RB1CC1: variants seen among roughly 807,000 people sequenced by gnomAD.
The protein encoded by RB1CC1 is RB1 inducible coiled-coil 1.
Under a neutral mutation model 177.5 loss-of-function variants are expected in RB1CC1, and 46 were observed. The observed-to-expected ratio is 0.26, with a 90% confidence interval of 0.20 to 0.33. The LOEUF (loss-of-function observed/expected upper bound fraction) is 0.33, where lower values mean the gene tolerates loss of function less well. RB1CC1 is among the 10% of genes least tolerant of loss of function. The probability of loss-of-function intolerance (pLI) is 1.00; values close to 1 mark genes in which losing one functional copy is unlikely to be tolerated. For synonymous variants in RB1CC1, 666 were observed against 613.6 expected (o/e 1.09, Z -1.26); for missense variants, 1,703 against 1,816.3 (o/e 0.94, Z 1.13).
At chr8:52,638,850 T>G (rs1470709659) in intron 18 of RB1CC1, among the ~76,000 whole-genome samples, 1 of 152,170 alleles carries the variant, frequency 6.6e-6, no homozygotes. Flanking sequence ...TTTACCAAAC[T>G]GATTTAAAAT....
chr8:52,645,894 TAA>T (rs759956889), intron 15 of RB1CC1, 27 bp from the exon 16 acceptor site: 1 of 1,495,772 alleles, frequency 6.7e-7, no homozygotes, highest in Middle Eastern at 2.0e-4. Flanking sequence ...AGCATTAAAT[TAA>T]AAAAAAAATT....
At chr8:52,699,831 A>AAAAT (rs1855873323) in intron 1 of RB1CC1, among the ~76,000 whole-genome samples, 1 of 29,952 alleles carries the variant, frequency 3.3e-5, no homozygotes. Flanking sequence ...AAAAAAAAAA[A>AAAAT]TATATATATA....
Position 52,656,869 on chromosome 8 carries a change from T to C in RB1CC1, c.2960A>G (p.His987Arg). The C allele has an allele frequency of 6.2e-7, 1 of 1,613,586 alleles. No homozygotes were observed. The highest frequency in any genetic ancestry group is 8.5e-7 in the Non-Finnish European group (1 of 1,179,974). ...AAGTGTGTCCTCTAATTCCTTTAGA[T>C]GACTTTGCTCCAAGGACTGAAGTTC... ...RAELQSLEQS[H>R]LKELEDTLQV... Residue 987 changes from histidine (H) to arginine (R), a missense_variant, in exon 15 of 24, where the codon CAT becomes CGT. His to Arg is a conservative substitution (Grantham distance 29). Coordinates refer to ENST00000025008, the MANE Select transcript of RB1CC1 (RefSeq NM_014781.5).
chr8:52,694,694 A>G (rs1855213917), intron 1 of RB1CC1, among the ~76,000 whole-genome samples: 1 of 152,176 alleles, frequency 6.6e-6, no homozygotes, highest in Non-Finnish European at 1.5e-5. Flanking sequence ...CCTCCTGGTA[A>G]GCAGCACTTC....
Position 52,657,994 on chromosome 8 carries a change from T to A in RB1CC1, c.1920+4A>T, listed in dbSNP as rs1182373325. On this transcript the variant is annotated splice_donor_region_variant and intron_variant, in intron 14 of 23. Coordinates refer to ENST00000025008, the MANE Select transcript of RB1CC1 (RefSeq NM_014781.5). ...AGAAAACTGTTTGAAAGAATTGAAT[T>A]TGCCTTTTGTTCACTCAGTAGATCT... is the stretch of plus-strand genomic sequence containing the variant. The A allele has an allele frequency of 6.2e-7, 1 of 1,613,574 alleles. No individual in the cohort carries two copies. The highest frequency in any genetic ancestry group is 1.7e-5 in the Admixed American group (1 of 59,896).
chr8:52,699,832 T>A (rs995799758), intron 1 of RB1CC1, among the ~76,000 whole-genome samples: 966 of 33,294 alleles, frequency 0.029, 24 homozygotes, highest in African/African-American at 0.054. Flanking sequence ...AAAAAAAAAA[T>A]ATATATATAT....
In RB1CC1 at chr8:52,656,255, T is replaced by G. The variant is rs755097172; in HGVS notation, c.3574A>C (p.Arg1192=). ...KLDSELSALE[R]QKDEKITQQE... ...TGGGTAATTTTTTCATCTTTTTGTC[T>G]TTCAAGAGCACTCAATTCTGAATCC... is the stretch of plus-strand genomic sequence containing the variant. The change falls in exon 15 of 24, where the codon AGA becomes CGA. Residue 1192 remains arginine, a synonymous_variant. Transcript: ENST00000025008. 1 of 1,613,324 alleles carries G rather than the reference T, an allele frequency of 6.2e-7. No individual in the cohort carries two copies. The highest frequency in any genetic ancestry group is 2.2e-5 in the East Asian group (1 of 44,824).
rs1159789422 is a variant in RB1CC1, at chr8:52,714,120, AC to A, written c.-213del. ...GCCGGCGGCAGCAGCAGAGCCAGCG[AC>A]CCCCGGCACCATCTTCCGCCGCCGC... On this transcript the variant is annotated 5_prime_UTR_variant, in exon 1 of 24. It introduces an in-frame stop codon into an upstream open reading frame of the 5' UTR. Coordinates refer to ENST00000025008, the MANE Select transcript of RB1CC1 (RefSeq NM_014781.5). 3 of 322,306 alleles carry A rather than the reference AC, an allele frequency of 9.3e-6. No individual in the cohort carries two copies. Among genetic ancestry groups the A allele is most frequent in the Non-Finnish European group, 1.3e-5 (2 of 156,276 alleles). The allele number at this position is 322,306 out of a possible 1,614,324, so 20.0% of individuals were successfully genotyped here.
chr8:52,710,325 G>C (rs1276445062), intron 1 of RB1CC1, among the ~76,000 whole-genome samples: 1 of 152,110 alleles, frequency 6.6e-6, no homozygotes, highest in Non-Finnish European at 1.5e-5. Flanking sequence ...AAGCAACTTC[G>C]CCAAAAGAAT....
chr8:52,691,058 C>A (rs112433869), intron 1 of RB1CC1, among the ~76,000 whole-genome samples: 2 of 152,162 alleles, frequency 1.3e-5, no homozygotes, highest in East Asian at 3.8e-4. Flanking sequence ...CAAACTACTG[C>A]CTCAATAATA....
Position 52,714,078 on chromosome 8 carries a change from G to T in RB1CC1, c.-170C>A. On this transcript the variant is annotated 5_prime_UTR_variant, in exon 1 of 24. Transcript: ENST00000025008. ...CGCGGGCGGCGGCGACACTTACCCG[G>T]CAACGCCTCCTCCTTCGCCGGCGGC... 2.8e-6 allele frequency: 1 copy of T among 354,550 alleles called. No individual in the cohort carries two copies. The highest frequency in any genetic ancestry group is 5.7e-6 in the Non-Finnish European group (1 of 176,560). The allele number at this position is 354,550 out of a possible 1,614,324, so 22.0% of individuals were successfully genotyped here.
rs960440071 is a variant in RB1CC1, at chr8:52,679,550, C to A, written c.370-2979G>T. Among the ~76,000 whole-genome samples the A allele has an allele frequency of 2.0e-5, 3 of 152,314 alleles. No individual in the cohort carries two copies. In the East Asian group the frequency reaches 5.8e-4, roughly 29 times the overall value. The stretch of plus-strand genomic sequence containing the variant: ...CTGAACCAAACCAATGTACTTCTTA[C>A]ACATAATCATGTCTCATGTCTCCCT... On this transcript the variant is annotated intron_variant, in intron 5 of 23. Transcript: ENST00000025008.
chr8:52,651,924 T>C (rs564630427), intron 15 of RB1CC1, among the ~76,000 whole-genome samples: 3 of 152,186 alleles, frequency 2.0e-5, no homozygotes, highest in Non-Finnish European at 4.4e-5. Flanking sequence ...AATCCACTAA[T>C]AGCTGCATAT....
At chr8:52,633,496 C>T (rs1401267962) in intron 20 of RB1CC1, among the ~76,000 whole-genome samples, 1 of 152,122 alleles carries the variant, frequency 6.6e-6, no homozygotes, top group Non-Finnish European at 1.5e-5. Flanking sequence ...TAATGATTCA[C>T]AGTATAATCA....
intron 20 of RB1CC1, among the ~76,000 whole-genome samples, chr8:52,632,539 T>A (rs999335295): frequency 1.3e-5 from 2 of 152,184 alleles, no homozygotes; most frequent in Non-Finnish European, 1.5e-5. Flanking sequence ...AAGCTTAAGT[T>A]TTTTATATAT....
chr8:52,647,827 T>C (rs755440845), intron 15 of RB1CC1, among the ~76,000 whole-genome samples: 2 of 152,146 alleles, frequency 1.3e-5, no homozygotes, highest in Non-Finnish European at 2.9e-5. Flanking sequence ...CGTGTGAATC[T>C]AGGCTTTGAA....
chr8:52,667,710 C>T (rs929720671), intron 8 of RB1CC1, among the ~76,000 whole-genome samples: 2 of 152,162 alleles, frequency 1.3e-5, no homozygotes, highest in African/African-American at 4.8e-5. Context: ...TCTTATCCTT[C>T]GTCCTATGGG....
chr8:52,660,129 C>A (rs1851479782), intron 12 of RB1CC1, among the ~76,000 whole-genome samples: 1 of 152,160 alleles, frequency 6.6e-6, no homozygotes, highest in Non-Finnish European at 1.5e-5. Flanking sequence ...AGAAACATAT[C>A]AAACTAACGT....
intron 17 of RB1CC1, 28 bp downstream of exon 17, chr8:52,642,675 TA>T (rs748247844): frequency 9.6e-6 from 15 of 1,569,804 alleles, no homozygotes; most frequent in Middle Eastern, 1.7e-4. Context: ...TTTAAAAAAT[TA>T]AAAAAAATAG....
Sources: allele counts gnomAD v4.1 joint callset (sites outside exome capture counted in the v4.1 genomes callset), GRCh38; gene constraint gnomAD v4.1.1; transcripts MANE v1.5; gene names NCBI Gene and HGNC (gene_info 2026-07-23, HGNC 2026-07-21).